The following LRP1B variants were observed in gnomAD, a reference collection of about 807,000 sequenced individuals.
LRP1B encodes the protein low-density lipoprotein receptor-related protein 1B.
Under a neutral mutation model 556.6 loss-of-function variants are expected in LRP1B, and 217 were observed. The observed-to-expected ratio is 0.39, with a 90% CI of 0.35 to 0.44. The LOEUF is 0.44. Among genes scored for constraint, LRP1B ranks in the 20% least tolerant of loss-of-function variants. The probability of loss-of-function intolerance (pLI) is 1.00; values close to 1 mark genes in which losing one functional copy is unlikely to be tolerated. For missense variants in LRP1B, 5,053 were observed against 5,620.8 expected (o/e 0.90, Z 3.23); for synonymous variants, 2,047 against 1,865.8 (o/e 1.10, Z -2.50).
At chr2:140,265,071 T>A (rs1275684336) in intron 86 of LRP1B, among the ~76,000 whole-genome samples, 1 of 151,784 alleles carries the variant, frequency 6.6e-6, no homozygotes, top group Non-Finnish European at 1.5e-5. Flanking sequence ...TGGATATTGC[T>A]GAGAAGTAAT....
intron 2 of LRP1B, among the ~76,000 whole-genome samples, chr2:141,519,695 C>CTA (rs10688392): frequency 0.13 from 19,186 of 151,544 alleles, 1,424 homozygotes; most frequent in African/African-American, 0.2. Flanking sequence ...CTACAGATTT[C>CTA]TATATATATA....
At chr2:140,842,606 C>CT (rs565024821) in intron 29 of LRP1B, among the ~76,000 whole-genome samples, 2,382 of 146,028 alleles carry the variant, frequency 0.016, 76 homozygotes, top group Admixed American at 0.078. Context: ...CCAATTTCAT[C>CT]TTTTTTTTTT....
chr2:140,625,309 G>T (rs142382735), intron 41 of LRP1B, among the ~76,000 whole-genome samples: 134 of 152,130 alleles, frequency 8.8e-4, no homozygotes, highest in Non-Finnish European at 1.6e-3. Flanking sequence ...TAAGACAAAA[G>T]AACACAATAA....
intron 3 of LRP1B, among the ~76,000 whole-genome samples, chr2:141,383,609 G>C (rs1393010657): frequency 6.6e-6 from 1 of 152,098 alleles, no homozygotes; most frequent in Non-Finnish European, 1.5e-5. Flanking sequence ...CCAAAACAAA[G>C]TCAAAGAACT....
chr2:140,723,546 TTAAATTA>T (rs5834771), intron 35 of LRP1B, among the ~76,000 whole-genome samples: 125,119 of 152,020 alleles, frequency 0.82, 51,642 homozygotes, highest in East Asian at 0.93. Context: ...CCATATCCAT[TTAAATTA>T]TGTTAGCATA....
chr2:140,249,558 C>A (rs912157040), intron 86 of LRP1B, among the ~76,000 whole-genome samples: 2 of 151,712 alleles, frequency 1.3e-5, no homozygotes, highest in African/African-American at 4.8e-5. Flanking sequence ...AAAGACTGTA[C>A]TGGAGAAATA....
intron 31 of LRP1B, among the ~76,000 whole-genome samples, chr2:140,818,550 G>T (rs1385535871): frequency 1.3e-5 from 2 of 152,200 alleles, no homozygotes; most frequent in Admixed American, 6.5e-5. Flanking sequence ...TCTGATGGAG[G>T]CTAGTTATTA....
chr2:141,657,160 A>G (rs1048267411), intron 2 of LRP1B, among the ~76,000 whole-genome samples: 1 of 152,132 alleles, frequency 6.6e-6, no homozygotes, highest in Non-Finnish European at 1.5e-5. Context: ...ATTAACTGAA[A>G]GGAAACAGAT....
At position 141,066,385 on chromosome 2, in the gene LRP1B, T is replaced by G. The variant is rs1699482355; in HGVS notation, c.1014-4112A>C. On this transcript the variant is annotated intron_variant, in intron 7 of 90. Coordinates refer to ENST00000389484, the MANE Select transcript of LRP1B (RefSeq NM_018557.3). ...GAAACTTCGAGTATTATTGGTAAAC[T>G]TGCCTAACATAAATCATAAGTCACA... 5.9e-5 allele frequency among the ~76,000 whole-genome samples: 9 copies of G among 151,954 alleles called. No homozygotes were observed. In the South Asian group the frequency reaches 1.9e-3, roughly 31 times the overall value.
At chr2:141,758,938 A>T (rs9287324) in intron 2 of LRP1B, among the ~76,000 whole-genome samples, 1 of 151,960 alleles carries the variant, frequency 6.6e-6, no homozygotes, top group Non-Finnish European at 1.5e-5. Flanking sequence ...TTCATGAATC[A>T]AATGTTCAAA....
At chr2:141,037,044 A>T (rs1308311993) in intron 11 of LRP1B, among the ~76,000 whole-genome samples, 1 of 152,002 alleles carries the variant, frequency 6.6e-6, no homozygotes, top group African/African-American at 2.4e-5. Flanking sequence ...TGCATCCACC[A>T]TGAATCTTCC....
At chr2:141,731,617 A>G (rs1206619677) in intron 2 of LRP1B, among the ~76,000 whole-genome samples, 1 of 152,154 alleles carries the variant, frequency 6.6e-6, no homozygotes, top group Admixed American at 6.6e-5. Flanking sequence ...TCGGAAGCAC[A>G]TGCTATTTCA....
rs770805578 is a variant in LRP1B, at chr2:140,352,976, C to G, written c.11627G>C (p.Arg3876Thr). Residue 3876 changes from arginine to threonine, a missense_variant, in exon 76 of 91, where the codon AGA becomes ACA. Coordinates refer to ENST00000389484, the MANE Select transcript of LRP1B (RefSeq NM_018557.3). ...ACCTTCTGCTATGCAGGTGTTATTT[C>G]TTTCTTGAAAATTCTGGTCACACAC... ...KCVCDQNFQERNNTCIAEGSE... is the reference protein window; with the variant it reads ...KCVCDQNFQETNNTCIAEGSE... 6.2e-7 allele frequency: 1 copy of G among 1,612,508 alleles called. No individual in the cohort carries two copies. The highest frequency in any genetic ancestry group is 8.5e-7 in the Non-Finnish European group (1 of 1,179,230).
At chr2:141,095,076 T>C (rs2104920516) in intron 7 of LRP1B, among the ~76,000 whole-genome samples, 1 of 152,260 alleles carries the variant, frequency 6.6e-6, no homozygotes, top group Middle Eastern at 3.4e-3. Flanking sequence ...AGCCCCCTTT[T>C]ACAATTGCTC....
chr2:140,391,068 T>C (rs1683997354), intron 66 of LRP1B, among the ~76,000 whole-genome samples: 1 of 152,096 alleles, frequency 6.6e-6, no homozygotes, highest in Non-Finnish European at 1.5e-5. Context: ...AAAACTAATT[T>C]GTATGAGACA....
intron 62 of LRP1B, among the ~76,000 whole-genome samples, chr2:140,452,569 T>G (rs1424732431): frequency 6.6e-6 from 1 of 152,130 alleles, no homozygotes; most frequent in Non-Finnish European, 1.5e-5. Flanking sequence ...TAGAAGTGTT[T>G]ATGTTGTTAT....
intron 41 of LRP1B, among the ~76,000 whole-genome samples, chr2:140,651,730 A>C (rs1684696095): frequency 6.6e-6 from 1 of 152,110 alleles, no homozygotes; most frequent in African/African-American, 2.4e-5. Flanking sequence ...TGAGGGAGTC[A>C]TGAACACTGA....
chr2:140,794,686 T>C (rs1690242342), intron 32 of LRP1B, among the ~76,000 whole-genome samples: 1 of 151,874 alleles, frequency 6.6e-6, no homozygotes, highest in South Asian at 2.1e-4. Context: ...CAATCTCGGC[T>C]CACCACAACC....
At chr2:141,475,528 A>G (rs61221994) in intron 3 of LRP1B, among the ~76,000 whole-genome samples, 9,058 of 152,060 alleles carry the variant, frequency 0.06, 414 homozygotes, top group African/African-American at 0.11. Context: ...CAAAGGCCCC[A>G]TCCTCAAGCC....
Sources: allele counts gnomAD v4.1 joint callset (sites outside exome capture counted in the v4.1 genomes callset), GRCh38; gene constraint gnomAD v4.1.1; transcripts MANE v1.5; gene names NCBI Gene and HGNC (gene_info 2026-07-23, HGNC 2026-07-21).